The following NBAS variants were observed in gnomAD, a reference collection of about 807,000 sequenced individuals.
The protein encoded by NBAS is NAG/BC035112 fusion.
A neutral mutation model predicts 302.5 loss-of-function variants in NBAS; 219 were observed. The ratio of observed to expected loss-of-function variants is 0.72; its 90% CI spans 0.65 to 0.81. The LOEUF is 0.81. Among genes scored for constraint, NBAS ranks in the 30% least tolerant of loss-of-function variants. NBAS has a pLI of 0.00. For missense variants in NBAS, 2,932 were observed against 2,841.6 expected (o/e 1.03, Z -0.72); for synonymous variants, 1,118 against 1,021.6 (o/e 1.09, Z -1.80).
At chr2:15,139,204 A>G in the NBAS span, among the ~76,000 whole-genome samples, 1 of 152,222 alleles carries the variant, frequency 6.6e-6, no homozygotes, top group Admixed American at 6.5e-5. Context: ...AAATGTCACT[A>G]ACACAGGCCA....
At chr2:15,165,853 T>A (rs1664006078), downstream of NBAS, among the ~76,000 whole-genome samples, 1 of 152,204 alleles carries the variant, frequency 6.6e-6, no homozygotes, top group South Asian at 2.1e-4. Context: ...TGATGTAATA[T>A]CATCTCATCT....
chr2:15,453,992 T>C lies in NBAS; in HGVS notation c.2339+7209A>G, dbSNP rs557194602. ...CAGGGTTTCACCATGTTGGCCAGGATGGTCTCAATCTCTTGACCTCATGAT... is the reference window on the plus strand; with the variant it reads ...CAGGGTTTCACCATGTTGGCCAGGACGGTCTCAATCTCTTGACCTCATGAT... On this transcript the variant is annotated intron_variant, in intron 21 of 51. Coordinates refer to ENST00000281513, the MANE Select transcript of NBAS (RefSeq NM_015909.4). Among the ~76,000 whole-genome samples the C allele has an allele frequency of 5.3e-5, 8 of 152,206 alleles. No homozygotes were observed. The South Asian group carries it at 1.7e-3, about 32-fold the overall frequency.
At chr2:14,954,899 G>T in the NBAS span, among the ~76,000 whole-genome samples, 5 of 152,098 alleles carry the variant, frequency 3.3e-5, no homozygotes, top group Non-Finnish European at 7.4e-5. Context: ...CCATACAATT[G>T]CACTCCTGAC....
chr2:14,818,771 T>C, the NBAS span, among the ~76,000 whole-genome samples: 4 of 152,216 alleles, frequency 2.6e-5, no homozygotes, highest in Non-Finnish European at 5.9e-5. Flanking sequence ...GGCAAGCTAC[T>C]GAGGATACTT....
the NBAS span, among the ~76,000 whole-genome samples, chr2:15,107,004 G>A: frequency 3.9e-5 from 6 of 152,146 alleles, no homozygotes; most frequent in East Asian, 1.2e-3. Context: ...TCCAGGGTCT[G>A]TTCCGCAATA....
chr2:15,184,303 T>C (rs913340504), intron 50 of NBAS, among the ~76,000 whole-genome samples: 6 of 152,090 alleles, frequency 3.9e-5, no homozygotes, highest in Admixed American at 6.5e-5. Flanking sequence ...ATGGAGGGGA[T>C]AGTTTTGGGA....
chr2:15,518,983 T>C (rs548760693), intron 9 of NBAS, among the ~76,000 whole-genome samples: 1 of 152,254 alleles, frequency 6.6e-6, no homozygotes, highest in South Asian at 2.1e-4. Context: ...ACGTGGAAAT[T>C]ACGGGAGCTA....
At position 15,234,732 on chromosome 2, in the gene NBAS, A is replaced by G. The variant is rs753753345; in HGVS notation, c.5959T>C (p.Tyr1987His). The G allele has an allele frequency of 6.2e-7, 1 of 1,614,116 alleles. No individual in the cohort carries two copies. The highest frequency in any genetic ancestry group is 1.7e-5 in the Admixed American group (1 of 60,026). ...KNSEQETLQK[Y>H]SHLYDLSRSE... ...CGGGACAGATCATAGAGGTGACTGT[A>G]TTTTTGCAGTGTTTCCTGTAAAGAC... The change falls in exon 46 of 52, where the codon TAC (tyrosine) becomes CAC (histidine). Residue 1987 changes from tyrosine to histidine, a missense_variant. Transcript: ENST00000281513.
At chr2:14,795,324 T>C in the NBAS span, among the ~76,000 whole-genome samples, 2 of 152,224 alleles carry the variant, frequency 1.3e-5, no homozygotes, top group South Asian at 4.1e-4. Context: ...ACGGTGACTT[T>C]AATTTGCATT....
the NBAS span, among the ~76,000 whole-genome samples, chr2:15,118,135 G>A: frequency 6.6e-6 from 1 of 152,148 alleles, no homozygotes; most frequent in African/African-American, 2.4e-5. Context: ...AGCCTATCTC[G>A]ACCGTGTCAG....
intron 27 of NBAS, 121 bp downstream of exon 27, chr2:15,396,292 C>A (rs113316426): frequency 3.2e-5 from 24 of 740,154 alleles, no homozygotes; most frequent in African/African-American, 3.1e-4. Flanking sequence ...ACTCCCAAGA[C>A]AATCAAACAA....
chr2:15,120,091 G>C, the NBAS span, among the ~76,000 whole-genome samples: 1 of 152,208 alleles, frequency 6.6e-6, no homozygotes, highest in Non-Finnish European at 1.5e-5. Flanking sequence ...GGCAGCACAA[G>C]TTGAGCCTTA....
the NBAS span, among the ~76,000 whole-genome samples, chr2:15,110,124 G>A: frequency 6.6e-6 from 1 of 152,042 alleles, no homozygotes; most frequent in Non-Finnish European, 1.5e-5. Flanking sequence ...GTGGCCAAGG[G>A]AAGCTGCATT....
chr2:15,201,818 G>A (rs1453012641), intron 48 of NBAS, among the ~76,000 whole-genome samples: 1 of 152,168 alleles, frequency 6.6e-6, no homozygotes. Flanking sequence ...ACTTGACCTT[G>A]CACAGCTCAT....
intron 41 of NBAS, among the ~76,000 whole-genome samples, chr2:15,291,861 CT>C (rs150959280): frequency 0.02 from 3,014 of 152,200 alleles, 76 homozygotes; most frequent in African/African-American, 0.062. Context: ...TTTTTCGCCC[CT>C]GATCACATGT....
rs1042786545 is a variant in NBAS at position 15,352,057 on chromosome 2, G to C, written c.4114C>G (p.Gln1372Glu). The C allele has an allele frequency of 1.2e-6, 2 of 1,610,500 alleles. No homozygotes were observed. The highest frequency in any genetic ancestry group is 8.5e-7 in the Non-Finnish European group (1 of 1,176,984). Reference protein sequence around the residue: ...TEILYQRVNFQIHHEGGENIS... With the variant: ...TEILYQRVNFEIHHEGGENIS... ...TTTTCCCCTCCTTCATGATGGATCT[G>C]GAAATTCACTCTTTGATAAAGAATC... The change falls in exon 35 of 52, where the codon CAG becomes GAG. Residue 1372 changes from glutamine (Q) to glutamate (E), a missense_variant. Gln to Glu is a conservative substitution (Grantham distance 29). Transcript: ENST00000281513.
intron 11 of NBAS, among the ~76,000 whole-genome samples, chr2:15,491,338 C>T (rs1680845023): frequency 6.6e-6 from 1 of 152,238 alleles, no homozygotes; most frequent in South Asian, 2.1e-4. Flanking sequence ...AGAATGTGAA[C>T]AAACAGGCCT....
At chr2:15,249,929 G>C (rs996530594) in intron 44 of NBAS, among the ~76,000 whole-genome samples, 1 of 152,078 alleles carries the variant, frequency 6.6e-6, no homozygotes, top group African/African-American at 2.4e-5. Flanking sequence ...TCAAGCTACT[G>C]TTGACTTTCT....
At chr2:15,335,470 G>C (rs1220069305) in intron 35 of NBAS, among the ~76,000 whole-genome samples, 1 of 152,174 alleles carries the variant, frequency 6.6e-6, no homozygotes, top group Non-Finnish European at 1.5e-5. Context: ...AGTTCTGGTT[G>C]CTCCACATCC....
Sources: allele counts gnomAD v4.1 joint callset (sites outside exome capture counted in the v4.1 genomes callset), GRCh38; gene constraint gnomAD v4.1.1; transcripts MANE v1.5; gene names NCBI Gene and HGNC (gene_info 2026-07-23, HGNC 2026-07-21).